FARSB: variants seen among roughly 807,000 people sequenced by gnomAD.
FARSB encodes phenylalanyl-tRNA synthetase subunit beta.
FARSB carries 40 observed loss-of-function variants against 69.6 expected under a neutral mutation model. That is an observed-to-expected ratio of 0.57 (90% CI 0.45 to 0.75). The LOEUF (loss-of-function observed/expected upper bound fraction) is 0.75. FARSB is among the 30% of genes least tolerant of loss of function. The probability of loss-of-function intolerance (pLI) is 0.00; values close to 1 mark genes in which losing one functional copy is unlikely to be tolerated. For synonymous variants in FARSB, 235 were observed against 247.2 expected (o/e 0.95, Z 0.46); for missense variants, 632 against 722.9 (o/e 0.87, Z 1.44).
chr2:222,597,679 A>G (rs16863924), intron 16 of FARSB, among the ~76,000 whole-genome samples: 5,775 of 152,206 alleles, frequency 0.038, 168 homozygotes, highest in African/African-American at 0.078. Context: ...TGTGGCTTCT[A>G]TCTTCTTAAG....
chr2:222,605,161 T>TCTCTCTCTCTCTCTCTCTCTCTC (rs1690667824), intron 15 of FARSB, among the ~76,000 whole-genome samples: 1 of 132,674 alleles, frequency 7.5e-6, no homozygotes, highest in African/African-American at 3.0e-5. Context: ...AATACAAACT[T>TCTCTCTCTCTCTCTCTCTCTCTC]TCTCTCTCTC....
chr2:222,604,213 G>A (rs1480777109), intron 15 of FARSB, among the ~76,000 whole-genome samples: 6 of 142,174 alleles, frequency 4.2e-5, no homozygotes, highest in East Asian at 4.1e-4. Context: ...GCGAGACTCC[G>A]TCTTAAAAAA....
intron 16 of FARSB, among the ~76,000 whole-genome samples, chr2:222,595,557 T>G (rs946334699): frequency 6.6e-6 from 1 of 152,210 alleles, no homozygotes; most frequent in African/African-American, 2.4e-5. Context: ...AAAACTAGAA[T>G]TGTCAAAACT....
intron 10 of FARSB, among the ~76,000 whole-genome samples, chr2:222,628,227 C>G (rs1303462609): frequency 6.6e-6 from 1 of 152,112 alleles, no homozygotes; most frequent in Admixed American, 6.6e-5. Flanking sequence ...TTCTATTGTT[C>G]TACAGCACTG....
Position 222,613,859 on chromosome 2 carries a change from G to A in FARSB, c.1414C>T (p.Leu472=). The A allele has an allele frequency of 6.2e-7, 1 of 1,613,218 alleles. No homozygotes were observed. Among genetic ancestry groups the A allele is most frequent in the Non-Finnish European group, 8.5e-7 (1 of 1,179,200 alleles). Residue 472 remains leucine (L), a synonymous_variant, in exon 15 of 17, where the codon CTG becomes TTG. Coordinates refer to ENST00000281828, the MANE Select transcript of FARSB (RefSeq NM_005687.5). Reference sequence around the variant, plus strand: ...ATGTCAGAGATTTCAAACAGTTTCAGTGGAAGGGGCATCTTACGATTTGCT... The same window carrying A: ...ATGTCAGAGATTTCAAACAGTTTCAATGGAAGGGGCATCTTACGATTTGCT... ...IAANRKMPLP[L]KLFEISDIVI...
chr2:222,603,676 ATTATATTATATAT>A (rs1374349187), intron 15 of FARSB, among the ~76,000 whole-genome samples: 1 of 129,190 alleles, frequency 7.7e-6, no homozygotes, highest in Non-Finnish European at 1.8e-5. Flanking sequence ...TATAATTAAT[ATTATATTATATAT>A]TATTATATAT....
At chr2:222,572,938 C>T (rs531211817) in intron 16 of FARSB, among the ~76,000 whole-genome samples, 1 of 152,290 alleles carries the variant, frequency 6.6e-6, no homozygotes, top group Admixed American at 6.5e-5. Flanking sequence ...GGGATCAGGC[C>T]TGCAGCTCCT....
intron 1 of FARSB, 63 bp downstream of exon 1, chr2:222,655,953 T>C (rs1434133074): frequency 9.8e-6 from 13 of 1,320,292 alleles, no homozygotes; most frequent in Non-Finnish European, 1.4e-5. Flanking sequence ...ACATTGCCCT[T>C]TTGGAGGGAG....
intron 9 of FARSB, among the ~76,000 whole-genome samples, chr2:222,629,667 G>A (rs1021689349): frequency 2.0e-5 from 3 of 152,120 alleles, no homozygotes; most frequent in Admixed American, 1.3e-4. Flanking sequence ...CAATATTTAT[G>A]CGTATGTCTT....
rs1689662845 is a variant in FARSB at position 222,568,201 on chromosome 2, T to C, written c.*3670A>G. On this transcript the variant is annotated 3_prime_UTR_variant, in exon 17 of 17. Transcript: ENST00000281828. This position sits in a 1 kb window ranked among gnomAD's most constrained non-coding sequence, Gnocchi z 4.3. ...TTCAGGGAATCAGGAGGAAGAAAGGTAGATTAACTCAGTAAGGCCACAGTT... is the reference window on the plus strand; with the variant it reads ...TTCAGGGAATCAGGAGGAAGAAAGGCAGATTAACTCAGTAAGGCCACAGTT... 6.6e-6 allele frequency: 1 copy of C among 152,154 alleles called. No individual in the cohort carries two copies. The highest frequency in any genetic ancestry group is 1.5e-5 in the Non-Finnish European group (1 of 68,026). 9.4% of individuals were successfully genotyped at this position (152,154 alleles called of 1,614,324 possible). A position where few individuals can be genotyped will look rare whatever the true frequency, so the allele number is the denominator to read the frequency against.
In FARSB at chr2:222,569,272, C is replaced by T. The variant is rs564518676; in HGVS notation, c.*2599G>A. ...TTTCATTACAAGTAATTTTGGCCAC[C>T]CCCAAAAATATCCAGGTGGGTAGCT... On this transcript the variant is annotated 3_prime_UTR_variant, in exon 17 of 17. Transcript: ENST00000281828. 1.3e-5 allele frequency: 2 copies of T among 152,236 alleles called. No homozygotes were observed. The highest frequency in any genetic ancestry group is 2.1e-4 in the South Asian group (1 of 4,828). The allele number at this position is 152,236 out of a possible 1,614,324, so 9.4% of individuals were successfully genotyped here.
intron 15 of FARSB, among the ~76,000 whole-genome samples, chr2:222,604,896 T>C (rs1294291175): frequency 6.6e-6 from 1 of 151,910 alleles, no homozygotes; most frequent in Non-Finnish European, 1.5e-5. Context: ...TCTGAGTAAA[T>C]GCCTACAGCC....
intron 15 of FARSB, among the ~76,000 whole-genome samples, chr2:222,607,153 T>C (rs1031221134): frequency 2.0e-5 from 3 of 152,200 alleles, no homozygotes; most frequent in Admixed American, 1.3e-4. Context: ...ACATAATGCC[T>C]CCAAAAATCA....
chr2:222,609,661 A>G (rs1690793204), intron 15 of FARSB, among the ~76,000 whole-genome samples: 1 of 152,212 alleles, frequency 6.6e-6, no homozygotes, highest in African/African-American at 2.4e-5. Context: ...AATGTGTCTG[A>G]TTTAGAGTGG....
chr2:222,576,578 G>C (rs952776658), intron 16 of FARSB, among the ~76,000 whole-genome samples: 1 of 152,146 alleles, frequency 6.6e-6, no homozygotes. Flanking sequence ...TTCTAAGTGA[G>C]TAATTATGTA....
chr2:222,649,234 TAAAA>T (rs71961708), intron 1 of FARSB, among the ~76,000 whole-genome samples: 1 of 88,300 alleles, frequency 1.1e-5, no homozygotes, highest in Non-Finnish European at 2.1e-5. Flanking sequence ...CTCAAAAAAT[TAAAA>T]AAAAAAAAAA....
chr2:222,643,885 C>A (rs1455517317), intron 2 of FARSB, among the ~76,000 whole-genome samples: 1 of 152,194 alleles, frequency 6.6e-6, no homozygotes, highest in Admixed American at 6.5e-5. Flanking sequence ...TAAACATAAC[C>A]ACTGCAGAGA....
intron 16 of FARSB, among the ~76,000 whole-genome samples, chr2:222,582,493 C>T (rs148006292): frequency 6.6e-6 from 1 of 152,272 alleles, no homozygotes; most frequent in African/African-American, 2.4e-5. Context: ...CTCTACGTCC[C>T]TTATTTATAG....
chr2:222,587,985 G>A (rs1391088616), intron 16 of FARSB, among the ~76,000 whole-genome samples: 4 of 152,022 alleles, frequency 2.6e-5, no homozygotes, highest in Non-Finnish European at 5.9e-5. Context: ...ATAAAAAGAG[G>A]AAATCCTCCC....
Sources: gnomAD v4.1 joint callset for allele counts (sites outside exome capture counted in the v4.1 genomes callset) on GRCh38, gnomAD v4.1.1 for gene constraint, Gnocchi (gnomAD v3.1) non-coding constraint, MANE v1.5 for transcripts, NCBI Gene and HGNC (gene_info 2026-07-23, HGNC 2026-07-21) for gene names.